The following SEZ6 variants were observed in gnomAD, a reference collection of about 807,000 sequenced individuals.
SEZ6 encodes the protein seizure protein 6 homolog.
In SEZ6, 53 loss-of-function variants were observed where a neutral mutation model predicts 101.0. That is an observed-to-expected ratio of 0.52 (90% CI 0.42 to 0.66). The LOEUF (loss-of-function observed/expected upper bound fraction) is 0.66, where lower values mean the gene tolerates loss of function less well. Among genes scored for constraint, SEZ6 ranks in the 30% least tolerant of loss-of-function variants. The pLI is 0.00. For synonymous variants in SEZ6, 488 were observed against 512.2 expected (o/e 0.95, Z 0.64); for missense variants, 1,102 against 1,289.4 (o/e 0.85, Z 2.23).
chr17:28,987,414 G>T (rs75714003), intron 1 of SEZ6, among the ~76,000 whole-genome samples: 1 of 152,298 alleles, frequency 6.6e-6, no homozygotes, highest in East Asian at 1.9e-4. Flanking sequence ...ATATAGGGCC[G>T]CTGGGATCTG....
In SEZ6 at chr17:28,957,030, T is replaced by G. The variant is rs1567980387; in HGVS notation, c.2692+15A>C. The stretch of plus-strand genomic sequence containing the variant: ...ATGGGCCAGGGAGGGTTTTGAGGGG[T>G]GACAGGGCACTCACCAGCCCTACAG... On this transcript the variant is annotated intron_variant, in intron 13 of 16. Transcript: ENST00000317338. 6.4e-7 allele frequency: 1 copy of G among 1,562,556 alleles called. No individual in the cohort carries two copies. The highest frequency in any genetic ancestry group is 8.7e-7 in the Non-Finnish European group (1 of 1,150,150).
chr17:28,987,270 C>A (rs918394391), intron 1 of SEZ6, among the ~76,000 whole-genome samples: 3 of 152,186 alleles, frequency 2.0e-5, no homozygotes, highest in African/African-American at 7.2e-5. Context: ...CTGCAGACCC[C>A]TATTATCCGA....
In SEZ6 at chr17:28,957,057, T is replaced by A. The variant is rs779018818; in HGVS notation, c.2680A>T (p.Ile894Phe). ...ACAGGGCACTCACCAGCCCTACAGA[T>A]GGGTGGGGGGTCACTCCAATGCGAG... Reference protein sequence around the residue: ...HPSHWSDPPPICRAASLDGFY... With the variant: ...HPSHWSDPPPFCRAASLDGFY... The change falls in exon 13 of 17, where the codon ATC becomes TTC. Residue 894 changes from isoleucine to phenylalanine, a missense_variant. Ile to Phe is a conservative substitution (Grantham distance 21, BLOSUM62 0). Coordinates refer to ENST00000317338, the MANE Select transcript of SEZ6 (RefSeq NM_178860.5). 4 of 1,595,466 alleles carry A rather than the reference T, an allele frequency of 2.5e-6. No individual in the cohort carries two copies. Among genetic ancestry groups the A allele is most frequent in the Non-Finnish European group, 3.4e-6 (4 of 1,168,010 alleles).
At chr17:28,991,920 G>A (rs2041466362) in intron 1 of SEZ6, among the ~76,000 whole-genome samples, 1 of 152,182 alleles carries the variant, frequency 6.6e-6, no homozygotes. Context: ...ATGGGTGGAG[G>A]ACAGCCAGGA....
intron 2 of SEZ6, 52 bp downstream of exon 2, chr17:28,981,319 C>T (rs542117900): frequency 1.7e-4 from 262 of 1,501,644 alleles, no homozygotes; most frequent in Middle Eastern, 2.0e-4. Flanking sequence ...TTAGGGGCCC[C>T]GCAGCCTCCC....
Position 28,959,923 on chromosome 17 carries a change from C to T in SEZ6, c.1577-31G>A, listed in dbSNP as rs541003116. 52 of 1,577,718 alleles carry T rather than the reference C, an allele frequency of 3.3e-5. No individual in the cohort carries two copies. The South Asian group carries it at 6.0e-4, about 18-fold the overall frequency. On this transcript the variant is annotated intron_variant, in intron 7 of 16. Transcript: ENST00000317338. The surrounding 1 kb of genome is among the most constrained non-coding windows in gnomAD (Gnocchi z 4.4). ...AACCACAGGTCCCAGCCCAGCTCAG[C>T]CTTGACTGGTATTAAACACAGTGGG...
At position 28,960,872 on chromosome 17, in the gene SEZ6, C is replaced by T. The variant is rs2040966803; in HGVS notation, c.1342G>A (p.Glu448Lys). Residue 448 changes from glutamate (E) to lysine (K), a missense_variant, in exon 6 of 17, where the codon GAG (glutamate) becomes AAG (lysine). Physicochemically the swap from Glu to Lys is moderately conservative, Grantham distance 56. Coordinates refer to ENST00000317338, the MANE Select transcript of SEZ6 (RefSeq NM_178860.5). ...TGTAGCCGCTGGCCCTCAGGAGCCT[C>T]AAGCAGCCAGTGACAGGTGAGGTTG... is the stretch of plus-strand genomic sequence containing the variant. Reference protein sequence around the residue: ...SNNLTCHWLLEAPEGQRLHLH... With the variant: ...SNNLTCHWLLKAPEGQRLHLH... 6.2e-7 allele frequency: 1 copy of T among 1,613,980 alleles called. No homozygotes were observed. The highest frequency in any genetic ancestry group is 8.5e-7 in the Non-Finnish European group (1 of 1,179,868).
intron 3 of SEZ6, 40 bp downstream of exon 3, chr17:28,979,640 C>T (rs773911271): frequency 1.2e-5 from 20 of 1,613,194 alleles, no homozygotes; most frequent in Middle Eastern, 3.3e-4. Flanking sequence ...AGAGAATACA[C>T]CCGCCCCAGC....
At chr17:28,962,161 T>C (rs2040987518) in intron 5 of SEZ6, among the ~76,000 whole-genome samples, 1 of 152,194 alleles carries the variant, frequency 6.6e-6, no homozygotes, top group Admixed American at 6.5e-5. Flanking sequence ...CAGGCACACT[T>C]CACTGTGTGC....
chr17:28,955,703 G>C lies in SEZ6; in HGVS notation c.*259C>G, dbSNP rs2040867585. On this transcript the variant is annotated 3_prime_UTR_variant, in exon 17 of 17. Transcript: ENST00000317338. ...GCTGGCTGTTGATGCTTGTGCTCCA[G>C]CTATGTTCTTCCCACAGGTAGATGC... 1 of 668,924 alleles carries C rather than the reference G, an allele frequency of 1.5e-6. No homozygotes were observed. The highest frequency in any genetic ancestry group is 2.7e-6 in the Non-Finnish European group (1 of 363,698). 41.4% of individuals were successfully genotyped at this position (668,924 alleles called of 1,614,324 possible).
chr17:28,969,085 CA>C (rs1473814605), intron 4 of SEZ6, among the ~76,000 whole-genome samples: 1 of 152,208 alleles, frequency 6.6e-6, no homozygotes, highest in African/African-American at 2.4e-5. Flanking sequence ...GCAGAAGGGT[CA>C]GAGAGGTCAA....
At chr17:28,968,945 C>G (rs934634928) in intron 4 of SEZ6, among the ~76,000 whole-genome samples, 3 of 152,218 alleles carry the variant, frequency 2.0e-5, no homozygotes, top group Non-Finnish European at 2.9e-5. Flanking sequence ...CCCTTTTCCT[C>G]CCTCTCCCAT....
intron 2 of SEZ6, 92 bp from the exon 3 acceptor site, chr17:28,979,905 G>A (rs2041274673): frequency 1.5e-6 from 2 of 1,312,856 alleles, no homozygotes; most frequent in Admixed American, 2.6e-5. Flanking sequence ...GTGTGTGTGT[G>A]TGTGTGTGTG....
intron 3 of SEZ6, among the ~76,000 whole-genome samples, chr17:28,976,045 C>T (rs1182747352): frequency 1.3e-5 from 2 of 152,220 alleles, no homozygotes; most frequent in African/African-American, 4.8e-5. Flanking sequence ...TTCTCTGGAC[C>T]TCTCAAGAAA....
At chr17:28,992,291 G>A (rs2041472044) in intron 1 of SEZ6, among the ~76,000 whole-genome samples, 1 of 152,208 alleles carries the variant, frequency 6.6e-6, no homozygotes, top group African/African-American at 2.4e-5. Flanking sequence ...AACCGAGTCT[G>A]CCTGTTCCAT....
At position 28,960,952 on chromosome 17, in the gene SEZ6, C is replaced by A; in HGVS notation, c.1262G>T (p.Arg421Leu). ...GACGATGCGGCCGGTGGTGGCATTGCGGATCACTCCGCCGCAAGCAGCTGT... is the reference window on the plus strand; with the variant it reads ...GACGATGCGGCCGGTGGTGGCATTGAGGATCACTCCGCCGCAAGCAGCTGT... ...VCIAACGGVIRNATTGRIVSP... is the reference protein window; with the variant it reads ...VCIAACGGVILNATTGRIVSP... Residue 421 changes from arginine (R) to leucine (L), a missense_variant, in exon 6 of 17, where the codon CGC (arginine) becomes CTC (leucine). Physicochemically the swap from Arg to Leu is moderately radical, Grantham distance 102. Transcript: ENST00000317338. 1 of 1,613,378 alleles carries A rather than the reference C, an allele frequency of 6.2e-7. No individual in the cohort carries two copies. The highest frequency in any genetic ancestry group is 8.5e-7 in the Non-Finnish European group (1 of 1,179,744).
rs1271130744 is a variant in SEZ6 at position 28,981,919 on chromosome 17, G to A, written c.176C>T (p.Thr59Ile). The change falls in exon 2 of 17, where the codon ACA becomes ATA. Residue 59 changes from threonine (T) to isoleucine (I), a missense_variant. Around this residue, in one of 3 missense-constraint regions of SEZ6, gnomAD observed 406 missense variants for 418.6 expected, o/e 0.97. Coordinates refer to ENST00000317338, the MANE Select transcript of SEZ6 (RefSeq NM_178860.5). ...EQPERGVHFV[T>I]TAPTLKLLNH... The stretch of plus-strand genomic sequence containing the variant: ...GAGCAGCTTCAAGGTGGGGGCTGTT[G>A]TGACAAAGTGGACGCCTCGTTCTGG... The A allele has an allele frequency of 6.2e-7, 1 of 1,613,934 alleles. No individual in the cohort carries two copies. Among genetic ancestry groups the A allele is most frequent in the Non-Finnish European group, 8.5e-7 (1 of 1,179,886 alleles).
chr17:29,006,183 A>C, upstream of SEZ6: 1 of 226,410 alleles, frequency 4.4e-6, no homozygotes, highest in Non-Finnish European at 8.6e-6. Context: ...TGCCCTACTC[A>C]TGTGGGCACA....
intron 1 of SEZ6, among the ~76,000 whole-genome samples, chr17:28,998,122 A>G (rs2041567695): frequency 6.7e-6 from 1 of 150,224 alleles, no homozygotes; most frequent in Non-Finnish European, 1.5e-5. Flanking sequence ...AGGAGAAGCT[A>G]TGGGGAGGGA....
Sources: allele counts gnomAD v4.1 joint callset (sites outside exome capture counted in the v4.1 genomes callset), GRCh38; gene constraint gnomAD v4.1.1; regional missense constraint gnomAD v4.1.1; non-coding constraint Gnocchi (gnomAD v3.1); transcripts MANE v1.5; gene names NCBI Gene and HGNC (gene_info 2026-07-23, HGNC 2026-07-21).